Variants in ESRRB observed in about 807,000 individuals in gnomAD.
The protein encoded by ESRRB is estrogen related receptor beta.
ESRRB carries 16 observed loss-of-function variants against 46.0 expected under a neutral mutation model. The observed-to-expected ratio is 0.35, with a 90% confidence interval of 0.24 to 0.53. The LOEUF (loss-of-function observed/expected upper bound fraction) is 0.53. ESRRB is among the 20% of genes least tolerant of loss of function. The pLI is 0.93. For missense variants in ESRRB, 488 were observed against 607.4 expected, an observed-to-expected ratio of 0.80 and a Z score of 2.07; for synonymous variants, 246 against 259.6, an observed-to-expected ratio of 0.95 and a Z score of 0.50.
intron 2 of ESRRB, among the ~76,000 whole-genome samples, chr14:76,454,986 A>T (rs1017997010): frequency 2.0e-5 from 3 of 151,808 alleles, no homozygotes; most frequent in Admixed American, 2.0e-4. Flanking sequence ...GGAGTTTGAG[A>T]CCAGCCTGGC....
intron 1 of ESRRB, among the ~76,000 whole-genome samples, chr14:76,399,516 A>G (rs1885845176): frequency 6.6e-6 from 1 of 152,138 alleles, no homozygotes; most frequent in Admixed American, 6.6e-5. Flanking sequence ...CCCTTTGAAT[A>G]TGCTCGCTGA....
At chr14:76,324,745 C>T (rs35652658) in intron 1 of ESRRB, among the ~76,000 whole-genome samples, 9,524 of 152,146 alleles carry the variant, frequency 0.063, 352 homozygotes, top group Middle Eastern at 0.16. Flanking sequence ...CACATACGTA[C>T]GCTTGGTGGA....
chr14:76,435,078 A>G (rs1277462738), intron 1 of ESRRB, among the ~76,000 whole-genome samples: 1 of 152,232 alleles, frequency 6.6e-6, no homozygotes, highest in Non-Finnish European at 1.5e-5. Context: ...TGAGGATTAA[A>G]TAAGATGGCA....
intron 1 of ESRRB, among the ~76,000 whole-genome samples, chr14:76,411,417 C>T (rs1241413778): frequency 6.6e-6 from 1 of 151,894 alleles, no homozygotes; most frequent in African/African-American, 2.4e-5. Context: ...CACCGAACTC[C>T]AGCCTGGACA....
At chr14:76,384,039 G>A (rs1336553572) in intron 1 of ESRRB, among the ~76,000 whole-genome samples, 1 of 152,168 alleles carries the variant, frequency 6.6e-6, no homozygotes, top group Non-Finnish European at 1.5e-5. Context: ...GGATCTTGGT[G>A]ATGCACAGTA....
chr14:76,408,421 A>T lies in ESRRB; in HGVS notation c.51-30920A>T, dbSNP rs1595087842. 2.6e-5 allele frequency among the ~76,000 whole-genome samples: 4 copies of T among 151,984 alleles called. No homozygotes were observed. In the East Asian group the frequency reaches 7.8e-4, roughly 29 times the overall value. ...TGGCAAGACTCTGTCTCTACAAAAA[A>T]TTTTTAAAAATTAACCAGGTGCAGG... On this transcript the variant is annotated intron_variant, in intron 1 of 6. Coordinates refer to ENST00000644823, the MANE Select transcript of ESRRB (RefSeq NM_001379180.1).
chr14:76,358,172 C>T (rs77362822), intron 1 of ESRRB, among the ~76,000 whole-genome samples: 3 of 151,420 alleles, frequency 2.0e-5, no homozygotes, highest in East Asian at 1.9e-4. Context: ...ATTATCCAGG[C>T]GTGGTGGCGG....
rs370326705 is a variant in ESRRB at position 76,396,329 on chromosome 14, T to C, written c.50+19878T>C. ...GAGTAAAATCACATGTATGGCTTTT[T>C]AAGCTCTAAATGCTGGGTATATGCT... is the stretch of plus-strand genomic sequence containing the variant. On this transcript the variant is annotated intron_variant, in intron 1 of 6. Coordinates refer to ENST00000644823, the MANE Select transcript of ESRRB (RefSeq NM_001379180.1). 5.9e-5 allele frequency among the ~76,000 whole-genome samples: 9 copies of C among 152,298 alleles called. No individual in the cohort carries two copies. In the South Asian group the frequency reaches 1.0e-3, roughly 18 times the overall value.
At chr14:76,404,486 G>T (rs974144949) in intron 1 of ESRRB, 1 of 152,368 alleles carries the variant, frequency 6.6e-6, no homozygotes, top group African/African-American at 2.4e-5. Flanking sequence ...GTGAATGAAT[G>T]AATGGCCAGA....
At chr14:76,434,941 A>G (rs939810900) in intron 1 of ESRRB, among the ~76,000 whole-genome samples, 3 of 152,132 alleles carry the variant, frequency 2.0e-5, no homozygotes, top group African/African-American at 4.8e-5. Flanking sequence ...CCAGGACTCA[A>G]GTGAATGGGA....
At chr14:76,446,766 T>C (rs1023285006) in intron 2 of ESRRB, among the ~76,000 whole-genome samples, 6 of 152,192 alleles carry the variant, frequency 3.9e-5, no homozygotes, top group African/African-American at 1.4e-4. Context: ...GATCAATTTC[T>C]CCTTGTATGT....
intron 1 of ESRRB, among the ~76,000 whole-genome samples, chr14:76,346,935 C>T (rs996294491): frequency 1.3e-5 from 2 of 152,224 alleles, no homozygotes; most frequent in African/African-American, 4.8e-5. Context: ...TGTCGGCCAG[C>T]AGCTGTGAAT....
intron 1 of ESRRB, among the ~76,000 whole-genome samples, chr14:76,418,914 C>T (rs1033070987): frequency 1.3e-5 from 2 of 152,146 alleles, no homozygotes; most frequent in African/African-American, 2.4e-5. Context: ...CCACCGCATC[C>T]AGCCTAACCT....
chr14:76,389,531 G>A (rs1207823984), intron 1 of ESRRB, among the ~76,000 whole-genome samples: 1 of 152,322 alleles, frequency 6.6e-6, no homozygotes, highest in South Asian at 2.1e-4. Flanking sequence ...GAGAGCACTG[G>A]TTCTGCCACA....
chr14:76,373,501 C>CCATTCTGCCCTCA (rs1463446090), upstream of ESRRB, among the ~76,000 whole-genome samples: 11 of 152,156 alleles, frequency 7.2e-5, no homozygotes, highest in Non-Finnish European at 1.2e-4. Context: ...ATCCATCCTC[C>CCATTCTGCCCTCA]GTGAGTTGGC....
At chr14:76,405,573 T>C (rs1566879820) in intron 1 of ESRRB, among the ~76,000 whole-genome samples, 1 of 152,240 alleles carries the variant, frequency 6.6e-6, no homozygotes, top group East Asian at 1.9e-4. Context: ...AGGGGGCTTG[T>C]TGGTGAGACC....
At chr14:76,410,519 C>T (rs1304768566) in intron 1 of ESRRB, among the ~76,000 whole-genome samples, 1 of 152,142 alleles carries the variant, frequency 6.6e-6, no homozygotes, top group Non-Finnish European at 1.5e-5. Flanking sequence ...CTTTCTTAAT[C>T]CCTCCAAGAA....
At chr14:76,433,135 G>T (rs1324250200) in intron 1 of ESRRB, among the ~76,000 whole-genome samples, 1 of 152,156 alleles carries the variant, frequency 6.6e-6, no homozygotes, top group African/African-American at 2.4e-5. Flanking sequence ...CTTGGGCCCT[G>T]CCTGTAGAGA....
intron 1 of ESRRB, among the ~76,000 whole-genome samples, chr14:76,401,994 A>C (rs1310173262): frequency 6.6e-6 from 1 of 152,238 alleles, no homozygotes; most frequent in Non-Finnish European, 1.5e-5. Context: ...CTTGGGACCC[A>C]GGAAGAGCCA....
Sources: gnomAD v4.1 joint callset for allele counts (sites outside exome capture counted in the v4.1 genomes callset) on GRCh38, gnomAD v4.1.1 for gene constraint, MANE v1.5 for transcripts, NCBI Gene and HGNC (gene_info 2026-07-23, HGNC 2026-07-21) for gene names.